Variants in WDFY3 observed in about 807,000 individuals in gnomAD.
The protein encoded by WDFY3 is WD repeat and FYVE domain containing 3, also known as WD repeat and FYVE domain-containing protein 3.
A neutral mutation model predicts 409.6 loss-of-function variants in WDFY3; 66 were observed. The ratio of observed to expected loss-of-function variants is 0.16; its 90% confidence interval spans 0.13 to 0.20. The LOEUF is 0.20. Ranked by LOEUF, WDFY3 falls within the 10% of genes least tolerant of loss-of-function variation. The pLI is 1.00. For synonymous variants in WDFY3, 1,521 were observed against 1,537.1 expected (o/e 0.99, Z 0.25); for missense variants, 3,031 against 4,298.1 (o/e 0.71, Z 8.24).
At chr4:84,771,518 G>C (rs914874870) in intron 30 of WDFY3, among the ~76,000 whole-genome samples, 3 of 152,070 alleles carry the variant, frequency 2.0e-5, no homozygotes, top group African/African-American at 7.2e-5. Flanking sequence ...ATTATAATTA[G>C]TCAGCCTATA....
intron 4 of WDFY3, among the ~76,000 whole-genome samples, chr4:84,851,916 C>T (rs1431778298): frequency 1.8e-5 from 2 of 112,382 alleles, no homozygotes; most frequent in African/African-American, 7.4e-5. Context: ...AGACTGGCAA[C>T]AATAATAATA....
intron 44 of WDFY3, among the ~76,000 whole-genome samples, chr4:84,732,375 AC>A: frequency 6.6e-6 from 1 of 152,332 alleles, no homozygotes; most frequent in East Asian, 1.9e-4. Context: ...CAAATACCTA[AC>A]AATTTTTGTG....
At chr4:84,713,359 C>T in intron 50 of WDFY3, 120 bp from the exon 51 acceptor site, 1 of 800,228 alleles carries the variant, frequency 1.2e-6, no homozygotes, top group African/African-American at 1.7e-5. Context: ...CCATAACCCA[C>T]TAAATGGCAG....
chr4:84,918,169 C>T (rs1208749808), intron 2 of WDFY3, among the ~76,000 whole-genome samples: 2 of 152,276 alleles, frequency 1.3e-5, no homozygotes, highest in Non-Finnish European at 1.5e-5. Context: ...ACTACATAGG[C>T]ATTTACCACT....
intron 3 of WDFY3, among the ~76,000 whole-genome samples, chr4:84,860,948 C>T (rs1428666228): frequency 2.0e-5 from 3 of 152,162 alleles, no homozygotes; most frequent in Non-Finnish European, 4.4e-5. Context: ...TAGTGGTGCA[C>T]ACCTGCAATC....
At chr4:84,782,875 C>A in intron 25 of WDFY3, 88 bp downstream of exon 25, 1 of 1,194,302 alleles carries the variant, frequency 8.4e-7, no homozygotes, top group South Asian at 1.3e-5. Context: ...AAAATATGAA[C>A]TTAAATACTG....
chr4:84,719,487 T>A (rs950507683), intron 47 of WDFY3, among the ~76,000 whole-genome samples: 2 of 152,198 alleles, frequency 1.3e-5, no homozygotes, highest in Non-Finnish European at 2.9e-5. Flanking sequence ...TCCTGCACTA[T>A]TAAAGCAACC....
At chr4:84,881,005 G>A (rs534268542) in intron 3 of WDFY3, among the ~76,000 whole-genome samples, 5 of 151,812 alleles carry the variant, frequency 3.3e-5, no homozygotes, top group South Asian at 2.1e-4. Context: ...TTACAGGTAC[G>A]ACCCACTGTG....
chr4:84,753,653 G>C (rs1425768470), intron 35 of WDFY3, 44 bp downstream of exon 35: 1 of 1,503,236 alleles, frequency 6.7e-7, no homozygotes, highest in Non-Finnish European at 8.9e-7. Flanking sequence ...TTCCAGTTCT[G>C]ACATTCTAAT....
At chr4:84,909,739 T>C (rs1767519125) in intron 2 of WDFY3, among the ~76,000 whole-genome samples, 1 of 152,060 alleles carries the variant, frequency 6.6e-6, no homozygotes, top group Non-Finnish European at 1.5e-5. Flanking sequence ...TTTACTAGAT[T>C]ACGTGACTTA....
chr4:84,870,591 C>T (rs1422578738), intron 3 of WDFY3, among the ~76,000 whole-genome samples: 1 of 152,086 alleles, frequency 6.6e-6, no homozygotes, highest in African/African-American at 2.4e-5. Context: ...TGAGTAATCA[C>T]TGTGAAATGC....
At chr4:84,778,405 G>T in intron 27 of WDFY3, 98 bp downstream of exon 27, 14 of 1,093,066 alleles carry the variant, frequency 1.3e-5, no homozygotes, top group South Asian at 8.1e-5. Flanking sequence ...AAAATTATAG[G>T]GCTTTAAACA....
At chr4:84,776,173 G>T (rs1183306680) in intron 27 of WDFY3, among the ~76,000 whole-genome samples, 3 of 151,968 alleles carry the variant, frequency 2.0e-5, no homozygotes, top group Non-Finnish European at 4.4e-5. Flanking sequence ...AAAAATGGGA[G>T]AAATGAAAGT....
At chr4:84,890,680 T>A (rs1338846419) in intron 3 of WDFY3, among the ~76,000 whole-genome samples, 1 of 152,324 alleles carries the variant, frequency 6.6e-6, no homozygotes, top group African/African-American at 2.4e-5. Flanking sequence ...AAGGGTCAGA[T>A]AGCAAATATT....
At chr4:84,713,460 C>A (rs1475825051) in intron 50 of WDFY3, among the ~76,000 whole-genome samples, 1 of 152,126 alleles carries the variant, frequency 6.6e-6, no homozygotes, top group Admixed American at 6.5e-5. Context: ...TTAAAAAAAT[C>A]AGATAAGTAA....
rs751551543 is a variant in WDFY3, at chr4:84,783,028, T to G, written c.4109A>C (p.His1370Pro). The G allele has an allele frequency of 6.2e-7, 1 of 1,614,184 alleles. No individual in the cohort carries two copies. Among genetic ancestry groups the G allele is most frequent in the Admixed American group, 1.7e-5 (1 of 60,028 alleles). Residue 1370 changes from histidine (H) to proline (P), a missense_variant, in exon 25 of 68, where the codon CAC becomes CCC. Physicochemically the swap from His to Pro is moderately conservative, Grantham distance 77. Coordinates refer to ENST00000295888, the MANE Select transcript of WDFY3 (RefSeq NM_014991.6). The part of the protein sequence containing the change: ...HENATPVKLI[H>P]NSAGHLNGSA... ...TCCATTAAGATGTCCTGCTGAATTGTGTATCAACTTCACAGGAGTGGCATT... is the reference window on the plus strand; with the variant it reads ...TCCATTAAGATGTCCTGCTGAATTGGGTATCAACTTCACAGGAGTGGCATT...
At chr4:84,687,748 C>T (rs1400930893) in intron 62 of WDFY3, 2 of 177,392 alleles carry the variant, frequency 1.1e-5, no homozygotes, top group African/African-American at 4.7e-5. Flanking sequence ...TTGCTGTTTC[C>T]CAGGCTGGAG....
At chr4:84,843,400 TTTTTA>T (rs1560903365) in intron 5 of WDFY3, among the ~76,000 whole-genome samples, 1 of 152,212 alleles carries the variant, frequency 6.6e-6, no homozygotes, top group African/African-American at 2.4e-5. Flanking sequence ...CATCTCCCAC[TTTTTA>T]TTTTATTATT....
chr4:84,778,499 A>G lies in WDFY3; in HGVS notation c.4518+4T>C, dbSNP rs761377387. 1.4e-5 allele frequency: 23 copies of G among 1,594,712 alleles called. No homozygotes were observed. The highest frequency in any genetic ancestry group is 1.5e-5 in the Non-Finnish European group (18 of 1,173,534). On this transcript the variant is annotated splice_donor_region_variant and intron_variant, in intron 27 of 67. Coordinates refer to ENST00000295888, the MANE Select transcript of WDFY3 (RefSeq NM_014991.6). The stretch of plus-strand genomic sequence containing the variant: ...TATATTATCAATTATGCTTATATAC[A>G]TACTTCAAAATCACAGAGGAGGTCC...
Sources: gnomAD v4.1 joint callset for allele counts (sites outside exome capture counted in the v4.1 genomes callset) on GRCh38, gnomAD v4.1.1 for gene constraint, MANE v1.5 for transcripts, NCBI Gene and HGNC (gene_info 2026-07-23, HGNC 2026-07-21) for gene names.